The following HDAC9 variants were observed in gnomAD, a reference collection of about 807,000 sequenced individuals.
The protein encoded by HDAC9 is histone deacetylase 9.
Under a neutral mutation model 139.4 loss-of-function variants are expected in HDAC9, and 41 were observed. The ratio of observed to expected loss-of-function variants is 0.29; its 90% CI spans 0.23 to 0.38. The LOEUF (loss-of-function observed/expected upper bound fraction) is 0.38, where lower values mean the gene tolerates loss of function less well. HDAC9 is among the 10% of genes least tolerant of loss of function. HDAC9 has a pLI of 1.00. For synonymous variants in HDAC9, 517 were observed against 476.2 expected (o/e 1.09, Z -1.12); for missense variants, 1,147 against 1,297.0 (o/e 0.88, Z 1.78).
chr7:18,743,606 CAA>C (rs35338088), intron 13 of HDAC9, among the ~76,000 whole-genome samples: 7 of 117,166 alleles, frequency 6.0e-5, no homozygotes, highest in Admixed American at 8.8e-5. Flanking sequence ...GACTGCGTCT[CAA>C]AAAAAAAAAA....
rs1166810737 is a variant in HDAC9 at position 18,897,671 on chromosome 7, A to G, written c.2803+23075A>G. On this transcript the variant is annotated intron_variant, in intron 22 of 25. Transcript: ENST00000686413. ...TGAATAATGGGCTATAATTCTCTAC[A>G]TAATATTTTAAGAATTGGAGTCTAC... Among the ~76,000 whole-genome samples the G allele has an allele frequency of 3.3e-5, 5 of 152,020 alleles. No individual in the cohort carries two copies. The East Asian group carries it at 9.6e-4, about 29-fold the overall frequency.
At chr7:18,300,453 A>C (rs922371152) in intron 1 of HDAC9, among the ~76,000 whole-genome samples, 2 of 152,150 alleles carry the variant, frequency 1.3e-5, no homozygotes, top group African/African-American at 4.8e-5. Flanking sequence ...GAAGTGAAGG[A>C]CATTTTAAAA....
intron 17 of HDAC9, among the ~76,000 whole-genome samples, chr7:18,808,562 C>T (rs925186401): frequency 2.2e-4 from 34 of 151,766 alleles, no homozygotes; most frequent in African/African-American, 7.3e-4. Flanking sequence ...ACAATAGCTA[C>T]AGAAAATACT....
upstream of HDAC9, among the ~76,000 whole-genome samples, chr7:18,492,115 A>G (rs1796414658): frequency 6.6e-6 from 1 of 151,994 alleles, no homozygotes; most frequent in Non-Finnish European, 1.5e-5. Context: ...TAATCGCTTC[A>G]CCAGAATGCA....
At chr7:18,183,085 C>T (rs1056646473) in intron 2 of HDAC9, among the ~76,000 whole-genome samples, 10 of 151,650 alleles carry the variant, frequency 6.6e-5, no homozygotes, top group Non-Finnish European at 1.5e-4. Context: ...TCTCGGCTCA[C>T]TGCAAGCTCC....
chr7:18,612,510 A>G (rs1457197582), intron 6 of HDAC9, among the ~76,000 whole-genome samples: 3 of 152,078 alleles, frequency 2.0e-5, no homozygotes, highest in African/African-American at 7.2e-5. Context: ...TATTAATGTT[A>G]GAGAATTAGA....
rs1792519924 is a variant in HDAC9, at chr7:18,793,579, A to G, written c.2322+127A>G. On this transcript the variant is annotated intron_variant, in intron 17 of 25. Coordinates refer to ENST00000686413, the MANE Select transcript of HDAC9 (RefSeq NM_178425.4). ...GAAGGGCAGAAGGAAGAGGGTAGAG[A>G]TGGCCACTAAGGTGTGATAATAACT... The G allele has an allele frequency of 4.3e-6, 3 of 695,858 alleles. No homozygotes were observed. In the East Asian group the frequency reaches 8.1e-5, roughly 19 times the overall value. The allele number at this position is 695,858 out of a possible 1,614,324, so 43.1% of individuals were successfully genotyped here. A position where few individuals can be genotyped will look rare whatever the true frequency, so the allele number is the denominator to read the frequency against.
chr7:18,786,585 GCTTC>G lies in HDAC9; in HGVS notation c.2215-6730_2215-6727del, dbSNP rs34314311. Among the ~76,000 whole-genome samples, 331 of 53,284 alleles carry G rather than the reference GCTTC, an allele frequency of 6.2e-3. 18 individuals are homozygous for G. The highest frequency in any genetic ancestry group is 0.013 in the African/African-American group (215 of 16,024). 35.0% of individuals were successfully genotyped at this position (53,284 alleles called of 152,430 possible). The stretch of plus-strand genomic sequence containing the variant: ...CACACCTCTTGGGTATGGCTGGCTG[GCTTC>G]CTTCCTTCCTTCCTTCCTTCCTTCC... On this transcript the variant is annotated intron_variant, in intron 16 of 25. Coordinates refer to ENST00000686413, the MANE Select transcript of HDAC9 (RefSeq NM_178425.4).
chr7:18,113,058 G>T (rs1246334211), intron 1 of HDAC9, among the ~76,000 whole-genome samples: 1 of 152,104 alleles, frequency 6.6e-6, no homozygotes, highest in Admixed American at 6.6e-5. Context: ...ACTATTGTGG[G>T]AAAATTAACC....
At chr7:18,095,875 G>A (rs1303593259) in intron 1 of HDAC9, among the ~76,000 whole-genome samples, 9 of 152,078 alleles carry the variant, frequency 5.9e-5, no homozygotes, top group Admixed American at 5.9e-4. Flanking sequence ...CTCAGATTCT[G>A]TTTTTCTTTA....
intron 12 of HDAC9, 61 bp from the exon 13 acceptor site, chr7:18,727,519 C>A: frequency 1.5e-6 from 2 of 1,373,074 alleles, no homozygotes; most frequent in South Asian, 1.4e-5. Context: ...ACATGTCGCT[C>A]AGTGTCTCCC....
At position 18,996,349 on chromosome 7, in the gene HDAC9, A is replaced by G. The variant is rs1786462958; in HGVS notation, c.*287A>G. 3.1e-6 allele frequency: 1 copy of G among 326,636 alleles called. No individual in the cohort carries two copies. The highest frequency in any genetic ancestry group is 6.7e-5 in the East Asian group (1 of 15,000). The allele number at this position is 326,636 out of a possible 1,614,324, so 20.2% of individuals were successfully genotyped here. Reference sequence around the variant, plus strand: ...TTAATATGCTGGGTGACCCACTCCTAGACACCAAGTTTGAACTAGAAACAT... The same window carrying G: ...TTAATATGCTGGGTGACCCACTCCTGGACACCAAGTTTGAACTAGAAACAT... On this transcript the variant is annotated 3_prime_UTR_variant, in exon 26 of 26. Coordinates refer to ENST00000686413, the MANE Select transcript of HDAC9 (RefSeq NM_178425.4).
At chr7:18,690,451 T>A (rs1046711922) in intron 12 of HDAC9, among the ~76,000 whole-genome samples, 1 of 151,992 alleles carries the variant, frequency 6.6e-6, no homozygotes, top group Admixed American at 6.6e-5. Context: ...GAGCATAACT[T>A]TTTTAGCCAA....
rs541183102 is a variant in HDAC9, at chr7:18,704,082, A to G, written c.1732-23498A>G. 4.6e-5 allele frequency among the ~76,000 whole-genome samples: 7 copies of G among 152,310 alleles called. No individual in the cohort carries two copies. In the South Asian group the frequency reaches 1.5e-3, roughly 32 times the overall value. On this transcript the variant is annotated intron_variant, in intron 12 of 25. Coordinates refer to ENST00000686413, the MANE Select transcript of HDAC9 (RefSeq NM_178425.4). Reference sequence around the variant, plus strand: ...ACAAGAAGTACACTCTGCTACTACCATGTAACTGGCATTTGCTAGATTCTC... The same window carrying G: ...ACAAGAAGTACACTCTGCTACTACCGTGTAACTGGCATTTGCTAGATTCTC...
At chr7:18,096,444 A>G (rs1584014015) in intron 1 of HDAC9, among the ~76,000 whole-genome samples, 1 of 152,230 alleles carries the variant, frequency 6.6e-6, no homozygotes. Context: ...GTTTATTCAG[A>G]AACTGATTAG....
chr7:18,135,600 A>G (rs1168806948), intron 1 of HDAC9, among the ~76,000 whole-genome samples: 2 of 131,642 alleles, frequency 1.5e-5, no homozygotes, highest in Non-Finnish European at 3.2e-5. Flanking sequence ...ATGATTTCCA[A>G]TTTCATCCAT....
upstream of HDAC9, among the ~76,000 whole-genome samples, chr7:18,494,512 A>G (rs1563045539): frequency 6.6e-6 from 1 of 152,086 alleles, no homozygotes; most frequent in Non-Finnish European, 1.5e-5. Context: ...AAGAGCTTCC[A>G]TGACTAGTAG....
At chr7:18,942,299 A>T (rs1442206586) in intron 23 of HDAC9, among the ~76,000 whole-genome samples, 1 of 152,132 alleles carries the variant, frequency 6.6e-6, no homozygotes, top group East Asian at 1.9e-4. Context: ...AAAGATTATC[A>T]TGTAATGGGA....
chr7:18,947,328 A>G (rs936633269), intron 23 of HDAC9, among the ~76,000 whole-genome samples: 3 of 151,998 alleles, frequency 2.0e-5, no homozygotes, highest in Non-Finnish European at 4.4e-5. Context: ...ATTCTTTGAA[A>G]TAAGTAGTAA....
Sources: allele counts gnomAD v4.1 joint callset (sites outside exome capture counted in the v4.1 genomes callset), GRCh38; gene constraint gnomAD v4.1.1; transcripts MANE v1.5; gene names NCBI Gene and HGNC (gene_info 2026-07-23, HGNC 2026-07-21).